Variants in FAM110B observed in about 807,000 individuals in gnomAD.
FAM110B encodes the protein family with sequence similarity 110 member B, also known as protein FAM110B.
FAM110B carries 6 observed loss-of-function variants against 20.4 expected under a neutral mutation model. The ratio of observed to expected loss-of-function variants is 0.29; its 90% confidence interval spans 0.16 to 0.58. The LOEUF (loss-of-function observed/expected upper bound fraction) is 0.58, where lower values mean the gene tolerates loss of function less well. FAM110B is among the 20% of genes least tolerant of loss of function. The probability of loss-of-function intolerance (pLI) is 0.90; values close to 1 mark genes in which losing one functional copy is unlikely to be tolerated. For missense variants in FAM110B, 434 were observed against 498.2 expected (o/e 0.87, Z 1.23); for synonymous variants, 226 against 214.1 (o/e 1.06, Z -0.49).
In FAM110B at chr8:58,146,178, C is replaced by G. The variant is rs565624676; in HGVS notation, c.-53C>G. 6.5e-7 allele frequency: 1 copy of G among 1,535,572 alleles called. No individual in the cohort carries two copies. The highest frequency in any genetic ancestry group is 8.8e-7 in the Non-Finnish European group (1 of 1,140,720). ...TGTACATGTGTCTATTCAGGCCTTG[C>G]GGAGGCGCCCAGAAGAGCATCCAAC... is the stretch of plus-strand genomic sequence containing the variant. On this transcript the variant is annotated 5_prime_UTR_variant, in exon 4 of 4. Transcript: ENST00000519262.
chr8:57,997,620 A>T (rs182671605), intron 1 of FAM110B, among the ~76,000 whole-genome samples: 3 of 152,354 alleles, frequency 2.0e-5, no homozygotes, highest in Admixed American at 2.0e-4. Context: ...TTTGATTTGC[A>T]TCATTCTTCT....
intron 3 of FAM110B, among the ~76,000 whole-genome samples, chr8:58,090,893 T>C (rs1298888458): frequency 6.6e-6 from 1 of 152,230 alleles, no homozygotes; most frequent in Non-Finnish European, 1.5e-5. Context: ...ATTTTTAATA[T>C]GAGCAATACT....
At position 58,099,001 on chromosome 8, in the gene FAM110B, A is replaced by G. The variant is rs191328069; in HGVS notation, c.-325+23378A>G. 16 of 152,340 alleles carry G rather than the reference A, an allele frequency of 1.1e-4. No homozygotes were observed. The East Asian group carries it at 1.2e-3, about 11-fold the overall frequency. The allele number at this position is 152,340 out of a possible 1,614,324, so 9.4% of individuals were successfully genotyped here. A position where few individuals can be genotyped will look rare whatever the true frequency, so the allele number is the denominator to read the frequency against. ...CATCTTGCCAGCCCTTTGACTTGCTATATTTTTCATGCCGACTGTCCCTGT... is the reference window on the plus strand; with the variant it reads ...CATCTTGCCAGCCCTTTGACTTGCTGTATTTTTCATGCCGACTGTCCCTGT... On this transcript the variant is annotated intron_variant, in intron 3 of 3. Transcript: ENST00000519262.
At chr8:58,019,574 GA>G (rs895541873) in intron 1 of FAM110B, among the ~76,000 whole-genome samples, 5 of 151,850 alleles carry the variant, frequency 3.3e-5, no homozygotes, top group African/African-American at 1.2e-4. Flanking sequence ...TCATTTAGCC[GA>G]AAACTTCTTG....
intron 3 of FAM110B, among the ~76,000 whole-genome samples, chr8:58,087,015 C>T (rs1290961419): frequency 6.6e-6 from 1 of 152,218 alleles, no homozygotes; most frequent in African/African-American, 2.4e-5. Context: ...TCACACCATA[C>T]ACCGTCTGGT....
At position 58,034,108 on chromosome 8, in the gene FAM110B, A is replaced by G. The variant is rs570848980; in HGVS notation, c.-414+2405A>G. On this transcript the variant is annotated intron_variant, in intron 2 of 3. Coordinates refer to ENST00000519262, the MANE Select transcript of FAM110B (RefSeq NM_001377989.1). ...CAAAATCAGTAGTCCAGAGCCTACT[A>G]TGGCCGAGGGACACAGTGGGCTGCG... 5.3e-5 allele frequency among the ~76,000 whole-genome samples: 8 copies of G among 152,306 alleles called. No individual in the cohort carries two copies. In the East Asian group the frequency reaches 5.8e-4, roughly 11 times the overall value.
rs1294555391 is a variant in FAM110B, at chr8:58,147,715, C to A, written c.*372C>A. The A allele has an allele frequency of 9.5e-6, 2 of 209,524 alleles. No homozygotes were observed. The highest frequency in any genetic ancestry group is 2.1e-5 in the Non-Finnish European group (2 of 93,884). The allele number at this position is 209,524 out of a possible 1,614,324, so 13.0% of individuals were successfully genotyped here. A position where few individuals can be genotyped will look rare whatever the true frequency, so the allele number is the denominator to read the frequency against. On this transcript the variant is annotated 3_prime_UTR_variant, in exon 4 of 4. Coordinates refer to ENST00000519262, the MANE Select transcript of FAM110B (RefSeq NM_001377989.1). ...TATCAACTGGCTTTTAAGTTGAGAG[C>A]AGAATCTTTTTGAAATAAAAAGCCA...
chr8:58,014,689 C>A (rs1804603908), intron 1 of FAM110B, among the ~76,000 whole-genome samples: 1 of 152,150 alleles, frequency 6.6e-6, no homozygotes, highest in African/African-American at 2.4e-5. Flanking sequence ...TATGTTTTCC[C>A]TAACTGCTTT....
chr8:58,063,875 G>A (rs181262883), intron 2 of FAM110B, among the ~76,000 whole-genome samples: 6 of 152,148 alleles, frequency 3.9e-5, no homozygotes, highest in East Asian at 1.9e-4. Flanking sequence ...GTCTGTGCTC[G>A]CATTGCTATA....
chr8:58,026,207 C>T (rs1173691245), intron 1 of FAM110B, among the ~76,000 whole-genome samples: 3 of 152,180 alleles, frequency 2.0e-5, no homozygotes, highest in Non-Finnish European at 4.4e-5. Context: ...GTATTTCTGC[C>T]ATAGCTAACA....
At chr8:58,050,668 TGGATTCTTTTCTGTGACCAGCCAAA>T (rs1246232686) in intron 2 of FAM110B, among the ~76,000 whole-genome samples, 6 of 152,212 alleles carry the variant, frequency 3.9e-5, no homozygotes, top group Non-Finnish European at 7.3e-5. Context: ...CAAATCTCTT[TGGATTCTTTTCTGTGACCAGCCAAA>T]GGAAACCCTT....
intron 3 of FAM110B, among the ~76,000 whole-genome samples, chr8:58,086,248 C>T (rs1480469458): frequency 1.3e-5 from 2 of 152,092 alleles, no homozygotes. Flanking sequence ...GGTCACTACA[C>T]ATTAGATTAA....
At chr8:58,008,834 C>T (rs1219964426) in intron 1 of FAM110B, among the ~76,000 whole-genome samples, 2 of 152,188 alleles carry the variant, frequency 1.3e-5, no homozygotes, top group Non-Finnish European at 2.9e-5. Flanking sequence ...AGACTGTGTT[C>T]TTGCAGCTGA....
In FAM110B at chr8:58,116,424, G is replaced by A. The variant is rs1227472411; in HGVS notation, c.-324-29483G>A. ...CCTTCCTCCCATGCCAGCCACACCT[G>A]TCCTCCAGGCCTCTGCACTTGTCTT... is the stretch of plus-strand genomic sequence containing the variant. On this transcript the variant is annotated intron_variant, in intron 3 of 3. Coordinates refer to ENST00000519262, the MANE Select transcript of FAM110B (RefSeq NM_001377989.1). 2.0e-5 allele frequency among the ~76,000 whole-genome samples: 3 copies of A among 151,938 alleles called. No individual in the cohort carries two copies. In the East Asian group the frequency reaches 5.8e-4, roughly 29 times the overall value.
chr8:58,115,378 CA>C (rs1351809148), intron 3 of FAM110B, among the ~76,000 whole-genome samples: 1 of 146,100 alleles, frequency 6.8e-6, no homozygotes, highest in Non-Finnish European at 1.5e-5. Flanking sequence ...GAGCCTGAAT[CA>C]TTTTTTTTAT....
chr8:58,096,855 T>C (rs1172476394), intron 3 of FAM110B, among the ~76,000 whole-genome samples: 1 of 152,212 alleles, frequency 6.6e-6, no homozygotes, highest in Non-Finnish European at 1.5e-5. Flanking sequence ...TCTCTTAGAA[T>C]GTTGAATATT....
chr8:58,095,234 T>C (rs1436338128), intron 3 of FAM110B, among the ~76,000 whole-genome samples: 2 of 152,202 alleles, frequency 1.3e-5, no homozygotes, highest in African/African-American at 2.4e-5. Context: ...TTTTCGTGCC[T>C]CTGTCTCCTT....
intron 3 of FAM110B, among the ~76,000 whole-genome samples, chr8:58,114,519 C>G (rs1448074447): frequency 6.6e-6 from 1 of 152,184 alleles, no homozygotes; most frequent in Admixed American, 6.5e-5. Context: ...AAGTTCACCT[C>G]TCTTGAATCC....
intron 3 of FAM110B, among the ~76,000 whole-genome samples, chr8:58,084,177 A>C (rs2150599078): frequency 6.6e-6 from 1 of 152,272 alleles, no homozygotes; most frequent in Non-Finnish European, 1.5e-5. Context: ...CTGCCATCTG[A>C]ATCATATATA....
Sources: allele counts gnomAD v4.1 joint callset (sites outside exome capture counted in the v4.1 genomes callset), GRCh38; gene constraint gnomAD v4.1.1; transcripts MANE v1.5; gene names NCBI Gene and HGNC (gene_info 2026-07-23, HGNC 2026-07-21).